The following RP1 variants were observed in gnomAD, a reference collection of about 807,000 sequenced individuals.
RP1 encodes the protein oxygen-regulated protein 1.
Under a neutral mutation model 14.8 loss-of-function variants are expected in RP1, and 16 were observed. The ratio of observed to expected loss-of-function variants is 1.08; its 90% CI spans 0.73 to 1.65. The LOEUF (loss-of-function observed/expected upper bound fraction) is 1.65. Among genes scored for constraint, RP1 ranks in the 40% most tolerant of loss-of-function variants. The pLI is 0.00. For synonymous variants in RP1, 876 were observed against 883.6 expected (o/e 0.99, Z 0.15); for missense variants, 2,631 against 2,535.0 (o/e 1.04, Z -0.81).
chr8:54,790,167 T>C (rs1054253031), intron 24 of RP1, among the ~76,000 whole-genome samples: 2 of 152,180 alleles, frequency 1.3e-5, no homozygotes, highest in Admixed American at 6.5e-5. Flanking sequence ...TCTGCCTGAC[T>C]ACAGCCAGGT....
chr8:54,644,882 C>A (rs1345149913), intron 3 of RP1, among the ~76,000 whole-genome samples: 1 of 152,104 alleles, frequency 6.6e-6, no homozygotes. Flanking sequence ...TTCCAGCAGT[C>A]CTTGGTGTTC....
At position 54,630,184 on chromosome 8, in the gene RP1, G is replaced by T. The variant is rs191325149; in HGVS notation, c.6302G>T (p.Gly2101Val). 1 of 1,613,490 alleles carries T rather than the reference G, an allele frequency of 6.2e-7. No homozygotes were observed. Among genetic ancestry groups the T allele is most frequent in the Non-Finnish European group, 8.5e-7 (1 of 1,179,928 alleles). ...INCHYFFEML[G>V]QACLLDICQV... ...TGTCATTACTTCTTTGAAATGCTTG[G>T]TCAAGCTTGCCTCTTAGATATTTGC... The change falls in exon 4 of 4, where the codon GGT becomes GTT. Residue 2101 changes from glycine to valine, a missense_variant. Transcript: ENST00000220676.
chr8:54,864,090 A>G (rs1812408317), intron 27 of RP1, among the ~76,000 whole-genome samples: 1 of 152,240 alleles, frequency 6.6e-6, no homozygotes, highest in Admixed American at 6.5e-5. Context: ...ATGGGGTTAT[A>G]GACATAATTT....
At position 54,652,630 on chromosome 8, in the gene RP1, G is replaced by A; in HGVS notation, c.952-150G>A. The A allele has an allele frequency of 5.1e-6, 3 of 590,810 alleles. No homozygotes were observed. In the South Asian group the frequency reaches 6.4e-5, roughly 13 times the overall value. 36.6% of individuals were successfully genotyped at this position (590,810 alleles called of 1,614,324 possible). On this transcript the variant is annotated intron_variant, in intron 4 of 22. Transcript: ENST00000636932. ...GTTAAATTTTGCTTATTATATTTTA[G>A]TACTCTCTTGTTAGGTGTGCACATG...
At chr8:54,734,534 T>A (rs1238197033) in intron 17 of RP1, 2 of 1,530,030 alleles carry the variant, frequency 1.3e-6, no homozygotes, top group South Asian at 1.2e-5. Context: ...TAATGCTTTT[T>A]TCCCCCATAG....
Position 54,629,550 on chromosome 8 carries a change from C to CCAT in RP1, c.5669_5671dup (p.Pro1890_Leu1891insSer). The CCAT allele has an allele frequency of 6.2e-7, 1 of 1,614,064 alleles. No homozygotes were observed. Among genetic ancestry groups the CCAT allele is most frequent in the South Asian group, 1.1e-5 (1 of 91,080 alleles). ...CTCTGATGATGCTATTAAAAACCAACCATTGCCTGGCAGTAATATGATTCA... is the reference window on the plus strand; with the variant it reads ...CTCTGATGATGCTATTAAAAACCAACCATCATTGCCTGGCAGTAATATGATTCA... On this transcript the variant is annotated inframe_insertion, in exon 4 of 4. Coordinates refer to ENST00000220676, the MANE Select transcript of RP1 (RefSeq NM_006269.2).
At chr8:54,838,994 A>G (rs1811730930) in intron 25 of RP1, among the ~76,000 whole-genome samples, 1 of 152,222 alleles carries the variant, frequency 6.6e-6, no homozygotes, top group African/African-American at 2.4e-5. Flanking sequence ...AGTATACAGC[A>G]GTGTTCTTAG....
At chr8:54,642,116 C>CT (rs1351786739) in intron 3 of RP1, among the ~76,000 whole-genome samples, 1 of 152,110 alleles carries the variant, frequency 6.6e-6, no homozygotes, top group African/African-American at 2.4e-5. Context: ...TGTGAATACT[C>CT]TACTGGGAAG....
rs746943765 is a variant in RP1, at chr8:54,628,269, T to G, written c.4387T>G (p.Ser1463Ala). 2 of 1,613,938 alleles carry G rather than the reference T, an allele frequency of 1.2e-6. No individual in the cohort carries two copies. Among genetic ancestry groups the G allele is most frequent in the Non-Finnish European group, 8.5e-7 (1 of 1,179,922 alleles). Residue 1463 changes from serine to alanine, a missense_variant, in exon 4 of 4, where the codon TCA becomes GCA. Ser to Ala is a moderately conservative substitution (Grantham distance 99, BLOSUM62 1). Coordinates refer to ENST00000220676, the MANE Select transcript of RP1 (RefSeq NM_006269.2). ...CATGACATCAAGTGAAAGAAACATT[T>G]CAGAATTGGAATCTTTTGAAGAATT... is the stretch of plus-strand genomic sequence containing the variant. The part of the protein sequence containing the change: ...NSMTSSERNI[S>A]ELESFEELEN...
At chr8:54,606,847 G>T (rs1182061885) in intron 1 of RP1, among the ~76,000 whole-genome samples, 6 of 152,142 alleles carry the variant, frequency 3.9e-5, no homozygotes, top group African/African-American at 1.2e-4. Context: ...GGCTACTGAG[G>T]CTTGTGCATT....
intron 22 of RP1, among the ~76,000 whole-genome samples, chr8:54,763,671 A>C (rs956439411): frequency 1.3e-5 from 2 of 152,088 alleles, no homozygotes; most frequent in African/African-American, 4.8e-5. Context: ...CAAGAACAAA[A>C]ACTCCATCTC....
intron 6 of RP1, among the ~76,000 whole-genome samples, chr8:54,660,493 T>C (rs892532537): frequency 3.3e-5 from 5 of 152,198 alleles, no homozygotes; most frequent in African/African-American, 1.2e-4. Flanking sequence ...TTTTCATATG[T>C]GGAACCATCC....
At chr8:54,847,761 CTACCACTGTCTCTG>C (rs1331434429) in intron 25 of RP1, among the ~76,000 whole-genome samples, 1 of 152,254 alleles carries the variant, frequency 6.6e-6, no homozygotes, top group Non-Finnish European at 1.5e-5. Flanking sequence ...CACTTTCCTG[CTACCACTGTCTCTG>C]TTTCCCAGCT....
At chr8:54,843,647 C>T (rs114408209) in intron 25 of RP1, among the ~76,000 whole-genome samples, 167 of 152,204 alleles carry the variant, frequency 1.1e-3, no homozygotes, top group African/African-American at 3.7e-3. Context: ...AGCACTAAAA[C>T]GGTTCATTAA....
Position 54,627,539 on chromosome 8 carries a change from T to A in RP1, c.3657T>A (p.Ser1219Arg). 6.2e-7 allele frequency: 1 copy of A among 1,614,132 alleles called. No homozygotes were observed. Among genetic ancestry groups the A allele is most frequent in the South Asian group, 1.1e-5 (1 of 91,082 alleles). The change falls in exon 4 of 4, where the codon AGT (serine) becomes AGA (arginine). Residue 1219 changes from serine (S) to arginine (R), a missense_variant. By Grantham distance (110) the Ser-to-Arg change is moderately radical. Coordinates refer to ENST00000220676, the MANE Select transcript of RP1 (RefSeq NM_006269.2). ...SANCSTVNIQSVPKCSENERT... is the reference protein window; with the variant it reads ...SANCSTVNIQRVPKCSENERT... ...ATTGTTCCACGGTCAACATTCAGAGTGTTCCTAAGTGCAGTGAAAATGAAA... is the reference window on the plus strand; with the variant it reads ...ATTGTTCCACGGTCAACATTCAGAGAGTTCCTAAGTGCAGTGAAAATGAAA...
chr8:54,853,811 AAAGG>A (rs1360121579), intron 26 of RP1, among the ~76,000 whole-genome samples: 3 of 149,282 alleles, frequency 2.0e-5, no homozygotes, highest in East Asian at 1.9e-4. Context: ...AAAGAAAGAG[AAAGG>A]AAGGAAGAGA....
Position 54,624,677 on chromosome 8 carries a change from A to C in RP1, c.795A>C (p.Thr265=). The C allele has an allele frequency of 6.2e-7, 1 of 1,613,842 alleles. No individual in the cohort carries two copies. Among genetic ancestry groups the C allele is most frequent in the Non-Finnish European group, 8.5e-7 (1 of 1,179,928 alleles). Residue 265 remains threonine, a synonymous_variant, in exon 4 of 4, where the codon ACA becomes ACC. Transcript: ENST00000220676. ...CTCTTAAAATCTTTAAAGTAAGCAC[A>C]CATATGTCTTCAAGCTCAAGGTCCC... The part of the protein sequence containing the change: ...NAKSESRKIS[T]HMSSSSRSQI...
At chr8:54,679,945 G>T (rs917249027) in intron 12 of RP1, 9 of 1,535,550 alleles carry the variant, frequency 5.9e-6, no homozygotes, top group East Asian at 2.4e-5. Context: ...TAAAACTATC[G>T]TACAAAGCTT....
chr8:54,645,013 A>G (rs905304690), intron 3 of RP1, among the ~76,000 whole-genome samples: 5 of 152,166 alleles, frequency 3.3e-5, no homozygotes, highest in African/African-American at 1.2e-4. Flanking sequence ...ATGACTTAAT[A>G]TTAATTTATA....
Sources: gnomAD v4.1 joint callset for allele counts (sites outside exome capture counted in the v4.1 genomes callset) on GRCh38, gnomAD v4.1.1 for gene constraint, MANE v1.5 for transcripts, NCBI Gene and HGNC (gene_info 2026-07-23, HGNC 2026-07-21) for gene names.